Variants in C8orf34 observed in about 807,000 individuals in gnomAD.
C8orf34 encodes the protein uncharacterized protein C8orf34.
A neutral mutation model predicts 68.3 loss-of-function variants in C8orf34; 65 were observed. The ratio of observed to expected loss-of-function variants is 0.95; its 90% CI spans 0.78 to 1.17. The LOEUF is 1.17. Ranked by LOEUF, C8orf34 falls within the 50% of genes most tolerant of loss-of-function variation. C8orf34 has a pLI of 0.00. For missense variants in C8orf34, 664 were observed against 655.4 expected, an observed-to-expected ratio of 1.01 and a Z score of -0.14; for synonymous variants, 244 against 241.2, an observed-to-expected ratio of 1.01 and a Z score of -0.11.
intron 9 of C8orf34, 49 bp downstream of exon 9, chr8:68,709,128 A>G (rs371144113): frequency 5.0e-6 from 7 of 1,389,702 alleles, no homozygotes; most frequent in Non-Finnish European, 7.1e-6. Flanking sequence ...TGGCACTTAA[A>G]GATTAAAGAA....
At chr8:68,634,138 A>G (rs1266592624) in intron 7 of C8orf34, among the ~76,000 whole-genome samples, 1 of 152,216 alleles carries the variant, frequency 6.6e-6, no homozygotes, top group East Asian at 1.9e-4. Flanking sequence ...AGATATTTTT[A>G]AAGATCTGTA....
intron 5 of C8orf34, among the ~76,000 whole-genome samples, chr8:68,496,262 A>G (rs1333978536): frequency 6.6e-6 from 1 of 152,208 alleles, no homozygotes; most frequent in Non-Finnish European, 1.5e-5. Context: ...ACGTAGTGTG[A>G]CAGGCAGTGT....
intron 1 of C8orf34, among the ~76,000 whole-genome samples, chr8:68,429,032 G>A (rs1484164819): frequency 6.6e-6 from 1 of 151,918 alleles, no homozygotes; most frequent in African/African-American, 2.4e-5. Flanking sequence ...ATGAGATAGA[G>A]GATTTTAAAA....
intron 1 of C8orf34, among the ~76,000 whole-genome samples, chr8:68,334,075 CTTATT>C (rs1805746660): frequency 6.6e-6 from 1 of 152,160 alleles, no homozygotes; most frequent in African/African-American, 2.4e-5. Flanking sequence ...ACCTGTAGGG[CTTATT>C]TACCTAGTTT....
chr8:68,721,317 C>A (rs552264907), intron 9 of C8orf34, 44 bp from the exon 10 acceptor site: 3 of 1,232,342 alleles, frequency 2.4e-6, no homozygotes, highest in African/African-American at 1.5e-5. Flanking sequence ...AATTAATAAG[C>A]AATATGTGAG....
intron 7 of C8orf34, among the ~76,000 whole-genome samples, chr8:68,543,658 A>T (rs1815774009): frequency 6.6e-6 from 1 of 152,218 alleles, no homozygotes; most frequent in Non-Finnish European, 1.5e-5. Flanking sequence ...CAAAACCTGC[A>T]ATTAAACACT....
At chr8:68,604,808 T>C (rs1475860697) in intron 7 of C8orf34, among the ~76,000 whole-genome samples, 1 of 152,096 alleles carries the variant, frequency 6.6e-6, no homozygotes, top group African/African-American at 2.4e-5. Flanking sequence ...GATAACGTTT[T>C]GATACAATAC....
At chr8:68,424,003 G>T (rs1406579322) in intron 1 of C8orf34, among the ~76,000 whole-genome samples, 1 of 152,098 alleles carries the variant, frequency 6.6e-6, no homozygotes, top group Non-Finnish European at 1.5e-5. Flanking sequence ...GACACATGGG[G>T]TTTATAATTC....
intron 12 of C8orf34, among the ~76,000 whole-genome samples, chr8:68,802,787 C>T (rs1397145213): frequency 6.6e-6 from 1 of 152,190 alleles, no homozygotes; most frequent in South Asian, 2.1e-4. Context: ...GGGCTACAGG[C>T]ATGCACCACC....
intron 7 of C8orf34, among the ~76,000 whole-genome samples, chr8:68,611,070 T>C (rs1380765785): frequency 1.3e-5 from 2 of 152,200 alleles, no homozygotes; most frequent in East Asian, 3.9e-4. Context: ...TTTCTCCATG[T>C]TGGTCAGGCT....
chr8:68,811,041 G>A (rs529717782), intron 12 of C8orf34, among the ~76,000 whole-genome samples: 7 of 152,254 alleles, frequency 4.6e-5, no homozygotes, highest in Admixed American at 6.5e-5. Flanking sequence ...ACCTCCTGCC[G>A]CCATCAACCT....
intron 4 of C8orf34, among the ~76,000 whole-genome samples, chr8:68,471,584 G>T (rs1812379335): frequency 6.6e-6 from 1 of 152,086 alleles, no homozygotes; most frequent in Non-Finnish European, 1.5e-5. Context: ...CTTTTTCTAT[G>T]ATAGTAACTT....
At chr8:68,436,310 T>C (rs1443006117) in intron 1 of C8orf34, among the ~76,000 whole-genome samples, 1 of 152,204 alleles carries the variant, frequency 6.6e-6, no homozygotes, top group Admixed American at 6.6e-5. Flanking sequence ...ATGTTGTTTA[T>C]ATTAATTTTA....
In C8orf34 at chr8:68,413,802, C is replaced by A. The variant is rs532996449; in HGVS notation, c.328-25697C>A. 2.6e-5 allele frequency among the ~76,000 whole-genome samples: 4 copies of A among 152,292 alleles called. No individual in the cohort carries two copies. In the East Asian group the frequency reaches 7.7e-4, roughly 29 times the overall value. On this transcript the variant is annotated intron_variant, in intron 1 of 13. Transcript: ENST00000518698. The stretch of plus-strand genomic sequence containing the variant: ...GAGTTCTTCCTTCTTCCTCTCTTGA[C>A]CTTTATATAGTAGCCTGGACACATC...
At chr8:68,390,475 T>C (rs1808435575) in intron 1 of C8orf34, among the ~76,000 whole-genome samples, 1 of 152,196 alleles carries the variant, frequency 6.6e-6, no homozygotes, top group Admixed American at 6.5e-5. Flanking sequence ...AAGTGGAAGT[T>C]AGTACATATC....
chr8:68,741,521 T>C (rs771929283), intron 10 of C8orf34, among the ~76,000 whole-genome samples: 3 of 152,248 alleles, frequency 2.0e-5, no homozygotes, highest in Non-Finnish European at 4.4e-5. Context: ...ATTATTTGAC[T>C]GTAGTCACCC....
intron 8 of C8orf34, among the ~76,000 whole-genome samples, chr8:68,649,074 G>A (rs1819265770): frequency 6.6e-6 from 1 of 151,994 alleles, no homozygotes; most frequent in African/African-American, 2.4e-5. Flanking sequence ...CCATGGGAAG[G>A]AATGGTGAGC....
At chr8:68,498,297 G>A (rs1245797635) in intron 5 of C8orf34, among the ~76,000 whole-genome samples, 3 of 152,188 alleles carry the variant, frequency 2.0e-5, no homozygotes, top group Admixed American at 6.5e-5. Flanking sequence ...GGAGAAGATA[G>A]GGATAGAAGC....
At chr8:68,571,733 C>T (rs143428621) in intron 7 of C8orf34, among the ~76,000 whole-genome samples, 70 of 152,112 alleles carry the variant, frequency 4.6e-4, no homozygotes, top group African/African-American at 1.6e-3. Flanking sequence ...TATTTTAATG[C>T]CAAAGATAAA....
Sources: allele counts gnomAD v4.1 joint callset (sites outside exome capture counted in the v4.1 genomes callset), GRCh38; gene constraint gnomAD v4.1.1; transcripts MANE v1.5; gene names NCBI Gene and HGNC (gene_info 2026-07-23, HGNC 2026-07-21).